The following GREB1L variants were observed in gnomAD, a reference collection of about 807,000 sequenced individuals.
GREB1L encodes the protein GREB1-like protein.
A neutral mutation model predicts 200.8 loss-of-function variants in GREB1L; 17 were observed. That is an observed-to-expected ratio of 0.08 (90% CI 0.06 to 0.13). The LOEUF (loss-of-function observed/expected upper bound fraction) is 0.13, where lower values mean the gene tolerates loss of function less well. Ranked by LOEUF, GREB1L falls within the 10% of genes least tolerant of loss-of-function variation. The probability of loss-of-function intolerance (pLI) is 1.00; values close to 1 mark genes in which losing one functional copy is unlikely to be tolerated. For synonymous variants in GREB1L, 789 were observed against 893.0 expected (o/e 0.88, Z 2.08); for missense variants, 1,657 against 2,367.7 (o/e 0.70, Z 6.23).
chr18:21,483,982 GA>G (rs1230556932), intron 17 of GREB1L, among the ~76,000 whole-genome samples: 32 of 131,944 alleles, frequency 2.4e-4, no homozygotes, highest in East Asian at 4.6e-4. Context: ...CAAAAAAAAA[GA>G]AAAAAAAAAA....
intron 1 of GREB1L, among the ~76,000 whole-genome samples, chr18:21,281,367 T>C (rs1372252492): frequency 6.6e-6 from 1 of 152,252 alleles, no homozygotes; most frequent in Non-Finnish European, 1.5e-5. Context: ...ATGTTGTTGC[T>C]GTTTCATTTA....
chr18:21,343,610 C>A (rs571688665), intron 1 of GREB1L, among the ~76,000 whole-genome samples: 1 of 152,062 alleles, frequency 6.6e-6, no homozygotes, highest in South Asian at 2.1e-4. Flanking sequence ...TCCCTGGTCA[C>A]AGAATTTATC....
chr18:21,463,214 C>T (rs1179952550), intron 15 of GREB1L, among the ~76,000 whole-genome samples: 2 of 125,520 alleles, frequency 1.6e-5, no homozygotes, highest in South Asian at 2.7e-4. Context: ...GGCGTGATCT[C>T]GGCTCACTGC....
At chr18:21,432,861 C>G (rs1437895061) in intron 7 of GREB1L, among the ~76,000 whole-genome samples, 2 of 151,794 alleles carry the variant, frequency 1.3e-5, no homozygotes, top group Non-Finnish European at 2.9e-5. Context: ...TGTGTGCCAC[C>G]ACACCCGGCT....
chr18:21,370,632 G>A (rs1445752430), intron 2 of GREB1L, among the ~76,000 whole-genome samples: 1 of 152,174 alleles, frequency 6.6e-6, no homozygotes, highest in Non-Finnish European at 1.5e-5. Flanking sequence ...AAGAAACTGA[G>A]CTTGAGATAG....
Position 21,511,982 on chromosome 18 carries a change from C to T in GREB1L, c.4736-1839C>T, listed in dbSNP as rs541431487. ...TGTTGACAAGACCATCTGTTACCCA[C>T]TGAATGGCTTTGGCACCCTTGTCAA... On this transcript the variant is annotated intron_variant, in intron 27 of 32. Transcript: ENST00000424526. Among the ~76,000 whole-genome samples, 8 of 152,262 alleles carry T rather than the reference C, an allele frequency of 5.3e-5. No homozygotes were observed. In the East Asian group the frequency reaches 1.5e-3, roughly 29 times the overall value.
intron 7 of GREB1L, among the ~76,000 whole-genome samples, 157 bp downstream of exon 7, chr18:21,404,151 G>C (rs2041430821): frequency 6.6e-6 from 1 of 152,184 alleles, no homozygotes; most frequent in Non-Finnish European, 1.5e-5. Context: ...CCTTGAGATG[G>C]GTTAATCTGT....
chr18:21,349,392 T>C (rs1388339443), intron 1 of GREB1L, among the ~76,000 whole-genome samples: 2 of 152,144 alleles, frequency 1.3e-5, no homozygotes, highest in East Asian at 3.8e-4. Flanking sequence ...CACCCAACAA[T>C]TAACTTTAGT....
At chr18:21,508,092 C>T in intron 25 of GREB1L, 26 bp from the exon 26 acceptor site, 1 of 1,548,886 alleles carries the variant, frequency 6.5e-7, no homozygotes, top group Non-Finnish European at 8.7e-7. Context: ...ACTTACGTTC[C>T]CTCCCTTTCT....
intron 1 of GREB1L, among the ~76,000 whole-genome samples, chr18:21,278,503 G>A (rs372717120): frequency 1.3e-5 from 2 of 151,898 alleles, no homozygotes; most frequent in East Asian, 3.9e-4. Flanking sequence ...TTAACATTTA[G>A]CACACTTTTG....
intron 10 of GREB1L, among the ~76,000 whole-genome samples, chr18:21,443,548 A>C (rs943821974): frequency 2.6e-5 from 4 of 152,230 alleles, no homozygotes; most frequent in Non-Finnish European, 5.9e-5. Context: ...ATCTGAAAAT[A>C]AACTTGATCA....
chr18:21,516,865 T>A (rs2146101589), intron 30 of GREB1L, 111 bp downstream of exon 30: 5 of 820,202 alleles, frequency 6.1e-6, no homozygotes, highest in Non-Finnish European at 3.6e-6. Flanking sequence ...AAAAGTGAAA[T>A]AACACAAGGG....
chr18:21,513,725 G>A, intron 27 of GREB1L, 96 bp from the exon 28 acceptor site: 2 of 1,160,748 alleles, frequency 1.7e-6, no homozygotes, highest in Non-Finnish European at 2.5e-6. Context: ...CATGTGAACA[G>A]GCATTCTGTG....
chr18:21,483,474 G>A (rs2035999705), intron 17 of GREB1L, among the ~76,000 whole-genome samples: 1 of 152,146 alleles, frequency 6.6e-6, no homozygotes, highest in African/African-American at 2.4e-5. Flanking sequence ...GAAAATAGAT[G>A]TCATTCAATC....
intron 9 of GREB1L, among the ~76,000 whole-genome samples, chr18:21,441,117 G>A (rs1320854504): frequency 6.6e-6 from 1 of 152,060 alleles, no homozygotes; most frequent in African/African-American, 2.4e-5. Context: ...GGAAAGCTAA[G>A]ATACCAAACA....
chr18:21,503,990 G>A (rs763617692), intron 23 of GREB1L, among the ~76,000 whole-genome samples: 4 of 152,038 alleles, frequency 2.6e-5, no homozygotes, highest in Non-Finnish European at 5.9e-5. Context: ...CACACAGGCT[G>A]GAGTGCAGTG....
chr18:21,248,776 A>G (rs765892582), intron 1 of GREB1L, among the ~76,000 whole-genome samples: 6 of 152,340 alleles, frequency 3.9e-5, no homozygotes, highest in Non-Finnish European at 5.9e-5. Context: ...TTAACATTAT[A>G]TACAACCAAA....
intron 1 of GREB1L, among the ~76,000 whole-genome samples, chr18:21,267,402 G>C (rs1160146088): frequency 6.6e-6 from 1 of 151,766 alleles, no homozygotes; most frequent in African/African-American, 2.4e-5. Context: ...GGGTGGTCTC[G>C]AACTCCTGAC....
intron 1 of GREB1L, among the ~76,000 whole-genome samples, chr18:21,308,775 A>G (rs374921635): frequency 1.3e-4 from 20 of 152,306 alleles, no homozygotes; most frequent in Middle Eastern, 6.8e-3. Context: ...CTGTGTCCCT[A>G]CAGCTCATGG....
Sources: allele counts gnomAD v4.1 joint callset (sites outside exome capture counted in the v4.1 genomes callset), GRCh38; gene constraint gnomAD v4.1.1; transcripts MANE v1.5; gene names NCBI Gene and HGNC (gene_info 2026-07-23, HGNC 2026-07-21).